Variants in AGBL3 observed in about 807,000 individuals in gnomAD.
The protein encoded by AGBL3 is cytosolic carboxypeptidase 3.
Under a neutral mutation model 94.5 loss-of-function variants are expected in AGBL3, and 68 were observed. The observed-to-expected ratio is 0.72, with a 90% CI of 0.59 to 0.88. AGBL3 has a LOEUF of 0.88. AGBL3 is among the 40% of genes least tolerant of loss of function. The pLI is 0.00. For missense variants in AGBL3, 934 were observed against 1,103.8 expected, an observed-to-expected ratio of 0.85 and a Z score of 2.18; for synonymous variants, 354 against 370.7, an observed-to-expected ratio of 0.95 and a Z score of 0.52.
At chr7:135,046,572 TA>T (rs1817379380) in intron 11 of AGBL3, among the ~76,000 whole-genome samples, 1 of 152,148 alleles carries the variant, frequency 6.6e-6, no homozygotes, top group African/African-American at 2.4e-5. Context: ...AATCACACAG[TA>T]TGTGGCCTTT....
At chr7:135,101,820 C>T (rs750509294) in intron 15 of AGBL3, among the ~76,000 whole-genome samples, 3 of 152,176 alleles carry the variant, frequency 2.0e-5, no homozygotes, top group Non-Finnish European at 4.4e-5. Context: ...ATCTCATCTT[C>T]AATTATAGCT....
intron 7 of AGBL3, among the ~76,000 whole-genome samples, chr7:135,035,449 A>G (rs1053752278): frequency 1.3e-5 from 2 of 152,072 alleles, no homozygotes; most frequent in African/African-American, 4.8e-5. Context: ...GGTAAGTAGG[A>G]TAAGAAGTCA....
chr7:135,024,577 C>T (rs1024670818), intron 5 of AGBL3, among the ~76,000 whole-genome samples: 1 of 152,090 alleles, frequency 6.6e-6, no homozygotes, highest in Admixed American at 6.5e-5. Flanking sequence ...TCAGATAATT[C>T]GAAAAGTCTG....
chr7:135,091,891 A>G (rs1214721078), intron 15 of AGBL3, among the ~76,000 whole-genome samples: 1 of 152,224 alleles, frequency 6.6e-6, no homozygotes, highest in Non-Finnish European at 1.5e-5. Flanking sequence ...AGATGGATTG[A>G]GTCACAGTTA....
At position 135,112,543 on chromosome 7, in the gene AGBL3, C is replaced by T. The variant is rs147219362; in HGVS notation, c.2111-2837C>T. 5.2e-3 allele frequency among the ~76,000 whole-genome samples: 796 copies of T among 152,228 alleles called. 3 individuals are homozygous for T. The highest frequency in any genetic ancestry group is 9.3e-3 in the Non-Finnish European group (633 of 68,024). On this transcript the variant is annotated intron_variant, in intron 15 of 16. Coordinates refer to ENST00000436302, the MANE Select transcript of AGBL3 (RefSeq NM_178563.4). The stretch of plus-strand genomic sequence containing the variant: ...TGACTGTCCTTTTTTACTTGGCTGA[C>T]TTGTGTTCATTCATTTACCCCATAC...
At chr7:135,051,691 T>C (rs1817890300) in intron 11 of AGBL3, among the ~76,000 whole-genome samples, 2 of 152,132 alleles carry the variant, frequency 1.3e-5, no homozygotes, top group East Asian at 1.9e-4. Context: ...TTTAAGATTA[T>C]AGAACTTATT....
intron 12 of AGBL3, among the ~76,000 whole-genome samples, chr7:135,072,410 C>A (rs1820008241): frequency 6.6e-6 from 1 of 152,178 alleles, no homozygotes; most frequent in Admixed American, 6.5e-5. Context: ...CTTCCCATTA[C>A]TGGGTATATA....
rs183160445 is a variant in AGBL3 at position 135,010,176 on chromosome 7, G to A, written c.311-6876G>A. 355 of 348,654 alleles carry A rather than the reference G, an allele frequency of 1.0e-3. 1 individual carries two copies. The highest frequency in any genetic ancestry group is 7.1e-3 in the African/African-American group (312 of 44,084). 21.6% of individuals were successfully genotyped at this position (348,654 alleles called of 1,614,324 possible). A position where few individuals can be genotyped will look rare whatever the true frequency, so the allele number is the denominator to read the frequency against. On this transcript the variant is annotated intron_variant, in intron 4 of 16. Transcript: ENST00000436302. ...CCTGAGTAGCAGAGACTACAGGCGC[G>A]TGCCACCACGCTCAGCTAATTTTGT...
chr7:135,019,599 C>T (rs1331296105), intron 5 of AGBL3, among the ~76,000 whole-genome samples: 1 of 152,088 alleles, frequency 6.6e-6, no homozygotes, highest in African/African-American at 2.4e-5. Context: ...ACTATCCTCG[C>T]ATTGCCAAGT....
chr7:135,057,395 T>C (rs1315009169), intron 11 of AGBL3, among the ~76,000 whole-genome samples: 1 of 149,994 alleles, frequency 6.7e-6, no homozygotes, highest in Non-Finnish European at 1.5e-5. Context: ...AAAAAATTAG[T>C]AGGTCTAAAG....
At chr7:134,993,139 G>A (rs1584749452) in intron 3 of AGBL3, among the ~76,000 whole-genome samples, 1 of 152,294 alleles carries the variant, frequency 6.6e-6, no homozygotes, top group East Asian at 1.9e-4. Flanking sequence ...AAGTGGTGAG[G>A]AATTATAGTT....
chr7:135,123,153 A>G (rs1003645244), intron 16 of AGBL3, among the ~76,000 whole-genome samples: 1 of 152,210 alleles, frequency 6.6e-6, no homozygotes, highest in African/African-American at 2.4e-5. Flanking sequence ...CGTTGATAAA[A>G]GGTTAGAGTA....
intron 16 of AGBL3, among the ~76,000 whole-genome samples, chr7:135,116,586 C>T (rs534115977): frequency 2.5e-4 from 38 of 152,110 alleles, no homozygotes; most frequent in Non-Finnish European, 5.0e-4. Context: ...CATTTGGTTT[C>T]CAATGACACC....
chr7:135,080,291 A>T, intron 14 of AGBL3, 31 bp downstream of exon 14: 1 of 1,528,786 alleles, frequency 6.5e-7, no homozygotes, highest in Non-Finnish European at 8.9e-7. Context: ...TCTCATAAAC[A>T]ATTAATTCAT....
At position 135,100,197 on chromosome 7, in the gene AGBL3, A is replaced by ATTTT. The variant is rs1303884350; in HGVS notation, c.2111-15183_2111-15182insTTTT. ...CACTGCACCCGAGTTTCTCTTTAAAAAAAAAAAAAACACTGGTGGCATAAG... is the reference window on the plus strand; with the variant it reads ...CACTGCACCCGAGTTTCTCTTTAAAATTTTAAAAAAAAAACACTGGTGGCATAAG... On this transcript the variant is annotated intron_variant, in intron 15 of 16. Coordinates refer to ENST00000436302, the MANE Select transcript of AGBL3 (RefSeq NM_178563.4). 297 of 151,674 alleles carry ATTTT rather than the reference A, an allele frequency of 2.0e-3. 1 individual carries two copies. Among genetic ancestry groups the ATTTT allele is most frequent in the African/African-American group, 6.8e-3 (282 of 41,184 alleles). 9.4% of individuals were successfully genotyped at this position (151,674 alleles called of 1,614,324 possible). A position where few individuals can be genotyped will look rare whatever the true frequency, so the allele number is the denominator to read the frequency against.
At chr7:135,111,656 C>T (rs1174379723) in intron 15 of AGBL3, among the ~76,000 whole-genome samples, 1 of 152,066 alleles carries the variant, frequency 6.6e-6, no homozygotes, top group Non-Finnish European at 1.5e-5. Context: ...TGTGACACTA[C>T]TCTCTCCTGG....
intron 15 of AGBL3, chr7:135,094,258 A>C: frequency 2.5e-6 from 1 of 393,992 alleles, no homozygotes. Flanking sequence ...AAAAAAGCTG[A>C]ACAAACTAAA....
At chr7:135,069,068 G>A (rs899508296) in intron 12 of AGBL3, among the ~76,000 whole-genome samples, 1 of 152,236 alleles carries the variant, frequency 6.6e-6, no homozygotes, top group East Asian at 1.9e-4. Flanking sequence ...AAAGGCAGGG[G>A]TTGCAATCCT....
intron 16 of AGBL3, among the ~76,000 whole-genome samples, chr7:135,119,621 T>C (rs1263917037): frequency 6.7e-6 from 1 of 148,998 alleles, no homozygotes; most frequent in African/African-American, 2.5e-5. Flanking sequence ...CTCATGCCTG[T>C]AATCCCAGCA....
Sources: gnomAD v4.1 joint callset for allele counts (sites outside exome capture counted in the v4.1 genomes callset) on GRCh38, gnomAD v4.1.1 for gene constraint, MANE v1.5 for transcripts, NCBI Gene and HGNC (gene_info 2026-07-23, HGNC 2026-07-21) for gene names.